Variants in IQCM observed in about 807,000 individuals in gnomAD.
IQCM encodes the protein IQ domain-containing protein M.
A neutral mutation model predicts 57.6 loss-of-function variants in IQCM; 45 were observed. The observed-to-expected ratio is 0.78, with a 90% CI of 0.62 to 1.00. The LOEUF (loss-of-function observed/expected upper bound fraction) is 1.00, where lower values mean the gene tolerates loss of function less well. Ranked by LOEUF, IQCM falls within the 50% of genes least tolerant of loss-of-function variation. The pLI is 0.00. For synonymous variants in IQCM, 148 were observed against 158.9 expected, an observed-to-expected ratio of 0.93 and a Z score of 0.51; for missense variants, 468 against 511.6, an observed-to-expected ratio of 0.91 and a Z score of 0.82.
chr4:149,571,045 T>A (rs1346638025), intron 9 of IQCM, among the ~76,000 whole-genome samples: 1 of 152,002 alleles, frequency 6.6e-6, no homozygotes, highest in Non-Finnish European at 1.5e-5. Flanking sequence ...ACACTGTTGG[T>A]GGGAATGTAA....
intron 12 of IQCM, among the ~76,000 whole-genome samples, chr4:149,503,357 C>T (rs1022401925): frequency 1.2e-4 from 18 of 152,204 alleles, no homozygotes; most frequent in East Asian, 3.9e-4. Flanking sequence ...AAATAACACA[C>T]GGCTATACAT....
At chr4:149,778,936 T>C (rs552585680) in intron 2 of IQCM, among the ~76,000 whole-genome samples, 2 of 152,242 alleles carry the variant, frequency 1.3e-5, no homozygotes, top group Admixed American at 1.3e-4. Context: ...TGAACACAAA[T>C]TCTATACAAT....
chr4:149,624,640 C>G (rs945933512), intron 7 of IQCM, among the ~76,000 whole-genome samples: 1 of 151,998 alleles, frequency 6.6e-6, no homozygotes, highest in African/African-American at 2.4e-5. Flanking sequence ...TAAAACAATC[C>G]CCACATCTAT....
intron 12 of IQCM, among the ~76,000 whole-genome samples, chr4:149,491,475 C>A (rs555934180): frequency 6.6e-6 from 1 of 152,042 alleles, no homozygotes; most frequent in Non-Finnish European, 1.5e-5. Context: ...ATGAGTACAA[C>A]CTTTTCAGAT....
intron 13 of IQCM, among the ~76,000 whole-genome samples, chr4:149,373,496 G>A (rs571141000): frequency 7.2e-5 from 11 of 152,156 alleles, no homozygotes; most frequent in African/African-American, 2.6e-4. Context: ...GTTCACAGAG[G>A]TTAAATAACG....
intron 12 of IQCM, among the ~76,000 whole-genome samples, chr4:149,435,300 A>G (rs1050551914): frequency 6.6e-6 from 1 of 152,110 alleles, no homozygotes; most frequent in Non-Finnish European, 1.5e-5. Flanking sequence ...CATGTGCTGC[A>G]TAACAACATT....
intron 12 of IQCM, among the ~76,000 whole-genome samples, chr4:149,444,823 TGAG>T (rs1429347515): frequency 6.6e-6 from 1 of 151,940 alleles, no homozygotes; most frequent in Non-Finnish European, 1.5e-5. Flanking sequence ...TGCATTGTCT[TGAG>T]GAAATAGGAC....
At chr4:149,694,438 C>T (rs906535107) in intron 5 of IQCM, among the ~76,000 whole-genome samples, 9 of 151,820 alleles carry the variant, frequency 5.9e-5, no homozygotes, top group African/African-American at 2.2e-4. Flanking sequence ...CTTTCCATTA[C>T]TTTCTCGGAT....
intron 12 of IQCM, among the ~76,000 whole-genome samples, chr4:149,463,823 A>G (rs1298086374): frequency 2.0e-5 from 3 of 152,210 alleles, no homozygotes; most frequent in Non-Finnish European, 4.4e-5. Context: ...AATGAATATA[A>G]AAGAATGATT....
intron 9 of IQCM, among the ~76,000 whole-genome samples, chr4:149,564,983 T>C (rs1009815899): frequency 3.9e-5 from 6 of 152,212 alleles, no homozygotes; most frequent in Admixed American, 6.5e-5. Flanking sequence ...ATACCTGTTA[T>C]GTTTTACATA....
chr4:149,811,652 C>T, intron 2 of IQCM, among the ~76,000 whole-genome samples: 1 of 152,096 alleles, frequency 6.6e-6, no homozygotes, highest in East Asian at 1.9e-4. Context: ...CTCATTCTGC[C>T]TTTTGGATGA....
At chr4:149,478,903 T>C (rs1276519947) in intron 12 of IQCM, among the ~76,000 whole-genome samples, 3 of 152,142 alleles carry the variant, frequency 2.0e-5, no homozygotes, top group South Asian at 2.1e-4. Context: ...GGATTATATA[T>C]GCTTATTATT....
chr4:149,521,649 G>A (rs377185591), intron 12 of IQCM, among the ~76,000 whole-genome samples: 89 of 152,350 alleles, frequency 5.8e-4, no homozygotes, highest in African/African-American at 1.9e-3. Context: ...TATTACTTAA[G>A]TATCTAACAG....
intron 7 of IQCM, among the ~76,000 whole-genome samples, chr4:149,660,647 C>T (rs1307988159): frequency 5.3e-5 from 8 of 152,004 alleles, no homozygotes; most frequent in Admixed American, 3.9e-4. Context: ...GAATACTATG[C>T]AGCCATAAAA....
chr4:149,674,568 T>C (rs991498531), intron 7 of IQCM, among the ~76,000 whole-genome samples: 13 of 152,224 alleles, frequency 8.5e-5, no homozygotes, highest in Middle Eastern at 6.8e-3. Flanking sequence ...GCCTTACTGT[T>C]AGAGAGGCCT....
chr4:149,750,094 C>A (rs1768288857), intron 2 of IQCM, among the ~76,000 whole-genome samples: 1 of 152,156 alleles, frequency 6.6e-6, no homozygotes, highest in African/African-American at 2.4e-5. Context: ...TATAACCTCT[C>A]ATGAATTTTT....
At chr4:149,481,718 T>TG in intron 12 of IQCM, among the ~76,000 whole-genome samples, 1 of 142,170 alleles carries the variant, frequency 7.0e-6, no homozygotes, top group African/African-American at 2.6e-5. Flanking sequence ...TTTTTTTTTT[T>TG]TTTTGCTTTT....
At chr4:149,625,311 T>A (rs1249756755) in intron 7 of IQCM, among the ~76,000 whole-genome samples, 1 of 152,216 alleles carries the variant, frequency 6.6e-6, no homozygotes, top group Non-Finnish European at 1.5e-5. Flanking sequence ...TTGTTTATAA[T>A]AAGTTGTTTC....
intron 12 of IQCM, among the ~76,000 whole-genome samples, chr4:149,508,529 A>G (rs367683774): frequency 6.6e-6 from 1 of 152,294 alleles, no homozygotes; most frequent in African/African-American, 2.4e-5. Context: ...TCAGACTTGC[A>G]TGGGGCCTGT....
Sources: allele counts gnomAD v4.1 joint callset (sites outside exome capture counted in the v4.1 genomes callset), GRCh38; gene constraint gnomAD v4.1.1; transcripts MANE v1.5; gene names NCBI Gene and HGNC (gene_info 2026-07-23, HGNC 2026-07-21).